The following ADGRV1 variants were observed in gnomAD, a reference collection of about 807,000 sequenced individuals.
ADGRV1 encodes the protein G-protein coupled receptor 98.
ADGRV1 carries 359 observed loss-of-function variants against 596.2 expected under a neutral mutation model. The observed-to-expected ratio is 0.60, with a 90% confidence interval of 0.55 to 0.66. The LOEUF is 0.66. Ranked by LOEUF, ADGRV1 falls within the 30% of genes least tolerant of loss-of-function variation. The pLI is 0.00. For missense variants in ADGRV1, 7,274 were observed against 7,575.6 expected, an observed-to-expected ratio of 0.96 and a Z score of 1.48; for synonymous variants, 2,681 against 2,679.2, an observed-to-expected ratio of 1.00 and a Z score of -0.02.
intron 29 of ADGRV1, among the ~76,000 whole-genome samples, chr5:90,687,852 G>C (rs1745890398): frequency 6.6e-6 from 1 of 151,980 alleles, no homozygotes; most frequent in African/African-American, 2.4e-5. Context: ...GGGACGTGAA[G>C]GACCTCTTCA....
intron 22 of ADGRV1, among the ~76,000 whole-genome samples, chr5:90,673,417 A>C (rs76287917): frequency 2.6e-3 from 390 of 152,320 alleles, no homozygotes; most frequent in African/African-American, 9.1e-3. Flanking sequence ...ATATGATGTA[A>C]TACTGATGCA....
At chr5:90,615,071 A>T (rs2152050964) in intron 2 of ADGRV1, 52 bp downstream of exon 2, 1 of 1,162,164 alleles carries the variant, frequency 8.6e-7, no homozygotes, top group African/African-American at 1.6e-5. Flanking sequence ...GACGTTTCTT[A>T]GTTTTAATGG....
chr5:90,565,011 G>A (rs1177646881), intron 1 of ADGRV1, among the ~76,000 whole-genome samples: 1 of 152,006 alleles, frequency 6.6e-6, no homozygotes, highest in Non-Finnish European at 1.5e-5. Flanking sequence ...AAGGTGGGCG[G>A]GTCACCTGAG....
At chr5:90,944,262 C>G (rs766910017) in intron 83 of ADGRV1, among the ~76,000 whole-genome samples, 8 of 152,058 alleles carry the variant, frequency 5.3e-5, no homozygotes, top group Non-Finnish European at 1.0e-4. Flanking sequence ...TTTTGCAGTT[C>G]CAGTAGTATG....
intron 9 of ADGRV1, among the ~76,000 whole-genome samples, chr5:90,631,450 A>T (rs1765490011): frequency 1.3e-5 from 2 of 152,060 alleles, no homozygotes; most frequent in Admixed American, 6.5e-5. Context: ...TATGTACGCG[A>T]CACCTTTTTG....
intron 78 of ADGRV1, among the ~76,000 whole-genome samples, chr5:90,848,088 T>G (rs1198272960): frequency 6.7e-6 from 1 of 150,088 alleles, no homozygotes. Flanking sequence ...AATAACCCAG[T>G]TTTTTTTTAG....
intron 1 of ADGRV1, among the ~76,000 whole-genome samples, chr5:90,604,024 T>A (rs530822823): frequency 2.2e-4 from 33 of 151,418 alleles, no homozygotes; most frequent in Non-Finnish European, 4.1e-4. Context: ...TGAGGAGACA[T>A]TAGGAGGGTA....
intron 1 of ADGRV1, among the ~76,000 whole-genome samples, chr5:90,577,856 G>C (rs1311535906): frequency 2.6e-5 from 4 of 152,076 alleles, no homozygotes; most frequent in African/African-American, 4.8e-5. Flanking sequence ...TGGATTCCTA[G>C]GTATTTTATT....
intron 83 of ADGRV1, among the ~76,000 whole-genome samples, chr5:90,924,163 G>A (rs1445037851): frequency 1.3e-5 from 2 of 151,628 alleles, no homozygotes; most frequent in Non-Finnish European, 2.9e-5. Context: ...GGATGGCTGG[G>A]TCAAATGGTA....
At chr5:90,661,004 G>A (rs1170644527) in intron 21 of ADGRV1, among the ~76,000 whole-genome samples, 3 of 152,176 alleles carry the variant, frequency 2.0e-5, no homozygotes, top group Non-Finnish European at 2.9e-5. Flanking sequence ...AACCTGTGAA[G>A]CAGTTTAGGG....
intron 83 of ADGRV1, among the ~76,000 whole-genome samples, chr5:90,916,430 T>G (rs1561935482): frequency 6.6e-6 from 1 of 152,118 alleles, no homozygotes; most frequent in Non-Finnish European, 1.5e-5. Flanking sequence ...TCTAGATCAA[T>G]TGATTAGGCC....
At chr5:90,702,808 C>A (rs572269799) in intron 34 of ADGRV1, among the ~76,000 whole-genome samples, 10 of 151,794 alleles carry the variant, frequency 6.6e-5, no homozygotes, top group Middle Eastern at 6.8e-3. Context: ...AGGATGTCGT[C>A]TTCTAAATCT....
chr5:90,706,847 A>G (rs887002001), intron 38 of ADGRV1, among the ~76,000 whole-genome samples: 2 of 151,382 alleles, frequency 1.3e-5, no homozygotes, highest in Non-Finnish European at 2.9e-5. Flanking sequence ...CCTTTAAATC[A>G]TCTTATTTCT....
At chr5:90,847,788 G>A (rs1027985125) in intron 78 of ADGRV1, among the ~76,000 whole-genome samples, 3 of 152,166 alleles carry the variant, frequency 2.0e-5, no homozygotes, top group South Asian at 2.1e-4. Context: ...CTGAGCCCAC[G>A]CCCACCCGGA....
In ADGRV1 at chr5:90,670,922, G is replaced by C. The variant is rs191564096; in HGVS notation, c.4753-1624G>C. On this transcript the variant is annotated intron_variant, in intron 21 of 89. Transcript: ENST00000405460. ...TCATCTGAAGGCATAAAGAATGCCA[G>C]CTTTAACCACATGGAGACCCGCATC... Among the ~76,000 whole-genome samples the C allele has an allele frequency of 2.6e-4, 40 of 152,302 alleles. No homozygotes were observed. In the East Asian group the frequency reaches 2.9e-3, roughly 11 times the overall value.
At chr5:90,708,587 T>C (rs1217108265) in intron 38 of ADGRV1, among the ~76,000 whole-genome samples, 1 of 151,882 alleles carries the variant, frequency 6.6e-6, no homozygotes, top group African/African-American at 2.4e-5. Flanking sequence ...ATTTAAAATG[T>C]TAAAATATTT....
At chr5:90,976,450 G>T (rs555565779) in intron 84 of ADGRV1, among the ~76,000 whole-genome samples, 96 of 150,920 alleles carry the variant, frequency 6.4e-4, no homozygotes, top group African/African-American at 2.2e-3. Context: ...CTGGCTTCCA[G>T]TTGATGAAAT....
Position 90,681,447 on chromosome 5 carries a change from C to G in ADGRV1, c.5657C>G (p.Thr1886Arg), listed in dbSNP as rs199959482. The change falls in exon 27 of 90, where the codon ACA (threonine) becomes AGA (arginine). Residue 1886 changes from threonine to arginine, a missense_variant. Thr to Arg is a moderately conservative substitution (Grantham distance 71, BLOSUM62 -1). This residue lies in a region of ADGRV1 where 3,643 missense variants were observed against 3,809.2 expected (regional missense o/e 0.96). Transcript: ENST00000405460. ...CCAGAAGATGGGTATAGCACTGTTA[C>G]ATTAAATGTGAGTACCTTTTCTTCC... Reference protein sequence around the residue: ...TEPEDGYSTVTLNVIRHHGTL... With the variant: ...TEPEDGYSTVRLNVIRHHGTL... The G allele has an allele frequency of 7.6e-5, 122 of 1,610,110 alleles. No individual in the cohort carries two copies. The highest frequency in any genetic ancestry group is 2.5e-4 in the African/African-American group (19 of 74,932).
chr5:91,134,231 C>T lies in ADGRV1; in HGVS notation c.18433-15799C>T, dbSNP rs144426413. ...AAGACAGAGTCACATTCTGTCACCT[C>T]GGCTGGAGTGCAGTGGCCTGATCAT... is the stretch of plus-strand genomic sequence containing the variant. On this transcript the variant is annotated intron_variant, in intron 87 of 89. Transcript: ENST00000405460. Among the ~76,000 whole-genome samples the T allele has an allele frequency of 4.5e-3, 685 of 151,680 alleles. 1 individual carries two copies. Among genetic ancestry groups the T allele is most frequent in the South Asian group, 0.029 (138 of 4,798 alleles).
Sources: gnomAD v4.1 joint callset for allele counts (sites outside exome capture counted in the v4.1 genomes callset) on GRCh38, gnomAD v4.1.1 for gene constraint, gnomAD v4.1.1 regional missense constraint, MANE v1.5 for transcripts, NCBI Gene and HGNC (gene_info 2026-07-23, HGNC 2026-07-21) for gene names.